Variants in RAB3GAP1 observed in about 807,000 individuals in gnomAD.
The protein encoded by RAB3GAP1 is RAB3 GTPase activating protein catalytic subunit 1.
A neutral mutation model predicts 130.7 loss-of-function variants in RAB3GAP1; 86 were observed. That is an observed-to-expected ratio of 0.66 (90% CI 0.55 to 0.79). RAB3GAP1 has a LOEUF of 0.79. RAB3GAP1 is among the 30% of genes least tolerant of loss of function. The pLI, the probability that RAB3GAP1 is intolerant of heterozygous loss-of-function variation, is 0.00. For synonymous variants in RAB3GAP1, 367 were observed against 401.7 expected, an observed-to-expected ratio of 0.91 and a Z score of 1.03; for missense variants, 1,029 against 1,169.4, an observed-to-expected ratio of 0.88 and a Z score of 1.75.
intron 13 of RAB3GAP1, 106 bp from the exon 14 acceptor site, chr2:135,132,789 A>C (rs560653412): frequency 1.4e-6 from 1 of 719,398 alleles, no homozygotes; most frequent in East Asian, 2.6e-5. Flanking sequence ...CTATTGTTAG[A>C]GCAGCAAAAC....
At chr2:135,073,010 C>G (rs1427769417) in intron 3 of RAB3GAP1, among the ~76,000 whole-genome samples, 1 of 152,130 alleles carries the variant, frequency 6.6e-6, no homozygotes, top group Non-Finnish European at 1.5e-5. Context: ...GTTGAAGTTA[C>G]TGGTTAAAGA....
intron 19 of RAB3GAP1, among the ~76,000 whole-genome samples, chr2:135,158,132 A>G (rs1692367069): frequency 6.6e-6 from 1 of 152,208 alleles, no homozygotes; most frequent in Non-Finnish European, 1.5e-5. Flanking sequence ...TGGACATAGT[A>G]ACTATTTGTG....
At chr2:135,063,883 C>G (rs1330554210) in intron 3 of RAB3GAP1, among the ~76,000 whole-genome samples, 2 of 152,128 alleles carry the variant, frequency 1.3e-5, no homozygotes, top group Non-Finnish European at 2.9e-5. Context: ...TTTTAACTTT[C>G]TGGGGAACTG....
chr2:135,131,371 A>G (rs1468621940), intron 13 of RAB3GAP1, among the ~76,000 whole-genome samples: 11 of 152,010 alleles, frequency 7.2e-5, no homozygotes, highest in Non-Finnish European at 1.6e-4. Flanking sequence ...GACTACAGTC[A>G]CGTGCCACCA....
At chr2:135,135,466 T>C in intron 16 of RAB3GAP1, 98 bp from the exon 17 acceptor site, 3 of 1,466,562 alleles carry the variant, frequency 2.0e-6, no homozygotes, top group Non-Finnish European at 2.8e-6. Context: ...CACAAGGTCC[T>C]GAGAAGTGGA....
chr2:135,162,138 A>C (rs2104996777), intron 19 of RAB3GAP1, among the ~76,000 whole-genome samples: 1 of 152,210 alleles, frequency 6.6e-6, no homozygotes, highest in East Asian at 1.9e-4. Context: ...GGAAGTCACT[A>C]ACAATGTTTA....
At chr2:135,121,432 C>G (rs1413061118) in intron 8 of RAB3GAP1, among the ~76,000 whole-genome samples, 1 of 152,142 alleles carries the variant, frequency 6.6e-6, no homozygotes, top group East Asian at 1.9e-4. Flanking sequence ...CCTGCTTACC[C>G]TTGATAAACA....
intron 11 of RAB3GAP1, among the ~76,000 whole-genome samples, chr2:135,126,930 G>A (rs1182453167): frequency 1.3e-5 from 2 of 152,058 alleles, no homozygotes; most frequent in Non-Finnish European, 2.9e-5. Context: ...AGGCTGGAGT[G>A]CAGTGGCATG....
At chr2:135,159,381 C>A (rs72980312) in intron 19 of RAB3GAP1, among the ~76,000 whole-genome samples, 1 of 152,152 alleles carries the variant, frequency 6.6e-6, no homozygotes, top group Non-Finnish European at 1.5e-5. Flanking sequence ...GCCATACTGG[C>A]GGTATGTACT....
intron 3 of RAB3GAP1, among the ~76,000 whole-genome samples, chr2:135,065,519 T>G (rs2104833399): frequency 6.6e-6 from 1 of 152,342 alleles, no homozygotes; most frequent in Non-Finnish European, 1.5e-5. Flanking sequence ...ATTAATATTT[T>G]TGTTCCAGAA....
chr2:135,077,144 C>A (rs1689653684), intron 3 of RAB3GAP1, among the ~76,000 whole-genome samples: 1 of 152,074 alleles, frequency 6.6e-6, no homozygotes, highest in Non-Finnish European at 1.5e-5. Context: ...GTGGCTCACG[C>A]CTGTGGTCCT....
chr2:135,099,463 GTGTA>G (rs1553442725), intron 5 of RAB3GAP1, among the ~76,000 whole-genome samples: 3 of 149,276 alleles, frequency 2.0e-5, no homozygotes, highest in Admixed American at 2.0e-4. Flanking sequence ...GTGTGTGTGT[GTGTA>G]TGTATGTGTA....
rs770189875 is a variant in RAB3GAP1 at position 135,168,752 on chromosome 2, G to A, written c.2917G>A (p.Ala973Thr). The A allele has an allele frequency of 1.4e-5, 23 of 1,613,988 alleles. No homozygotes were observed. The Admixed American group carries it at 2.7e-4, about 19-fold the overall frequency. Residue 973 changes from alanine (A) to threonine (T), a missense_variant, in exon 24 of 24, where the codon GCC (alanine) becomes ACC (threonine). By Grantham distance (58) the Ala-to-Thr change is moderately conservative. Transcript: ENST00000264158. ...CAAAGAGGACTTTAGACTTGCAGGT[G>A]CCTTTTCATCAGATACTTCCTTCTT... ...LTKEDFRLAGAFSSDTSFF is the reference protein window; with the variant it reads ...LTKEDFRLAGTFSSDTSFF
chr2:135,056,920 A>C lies in RAB3GAP1; in HGVS notation c.75-1091A>C, dbSNP rs117833702. 1.8e-3 allele frequency among the ~76,000 whole-genome samples: 278 copies of C among 152,338 alleles called. 7 individuals are homozygous for C. The South Asian group carries it at 0.033, about 18-fold the overall frequency. On this transcript the variant is annotated intron_variant, in intron 2 of 23. Transcript: ENST00000264158. ...GAAGGAAAAAATCTGTTGCCTTTCC[A>C]TACAGTTTGACTAGAATTAACTCTA...
intron 5 of RAB3GAP1, among the ~76,000 whole-genome samples, chr2:135,104,502 A>G (rs542929067): frequency 6.6e-6 from 1 of 152,244 alleles, no homozygotes; most frequent in Non-Finnish European, 1.5e-5. Context: ...AAGGGTTTTC[A>G]AAGAAATACT....
At chr2:135,083,767 G>GTTTTTTTTTTTTTTTTTTTTT (rs34087354) in intron 3 of RAB3GAP1, among the ~76,000 whole-genome samples, 1 of 98,288 alleles carries the variant, frequency 1.0e-5, no homozygotes, top group African/African-American at 3.9e-5. Flanking sequence ...ACCCAACACG[G>GTTTTTTTTTTTTTTTTTTTTT]TTTTTTTTTT....
At chr2:135,088,550 G>A (rs1690050464) in intron 3 of RAB3GAP1, among the ~76,000 whole-genome samples, 1 of 151,914 alleles carries the variant, frequency 6.6e-6, no homozygotes, top group Non-Finnish European at 1.5e-5. Context: ...TTAGCCAGGC[G>A]TGGTGGTGCA....
chr2:135,164,534 A>C, intron 22 of RAB3GAP1, 60 bp from the exon 23 acceptor site: 1 of 1,315,360 alleles, frequency 7.6e-7, no homozygotes, highest in Non-Finnish European at 1.1e-6. Flanking sequence ...GGGAGGATGG[A>C]CGCCCAGTGG....
At chr2:135,083,626 A>G (rs1377721801) in intron 3 of RAB3GAP1, among the ~76,000 whole-genome samples, 1 of 151,744 alleles carries the variant, frequency 6.6e-6, no homozygotes, top group Non-Finnish European at 1.5e-5. Flanking sequence ...CACATTAAAA[A>G]AAAATTTTTT....
Sources: allele counts gnomAD v4.1 joint callset (sites outside exome capture counted in the v4.1 genomes callset), GRCh38; gene constraint gnomAD v4.1.1; transcripts MANE v1.5; gene names NCBI Gene and HGNC (gene_info 2026-07-23, HGNC 2026-07-21).